RGS7: variants seen among roughly 807,000 people sequenced by gnomAD.
RGS7 encodes the protein regulator of G-protein signaling 7.
RGS7 carries 27 observed loss-of-function variants against 81.1 expected under a neutral mutation model. The ratio of observed to expected loss-of-function variants is 0.33; its 90% CI spans 0.25 to 0.46. The LOEUF is 0.46. Among genes scored for constraint, RGS7 ranks in the 20% least tolerant of loss-of-function variants. RGS7 has a pLI of 1.00. For missense variants in RGS7, 396 were observed against 607.4 expected (o/e 0.65, Z 3.66); for synonymous variants, 208 against 207.7 (o/e 1.00, Z -0.01).
chr1:241,344,861 C>T (rs553293865), intron 2 of RGS7, among the ~76,000 whole-genome samples: 3 of 152,306 alleles, frequency 2.0e-5, no homozygotes, highest in African/African-American at 7.2e-5. Context: ...GGCTGTTAAA[C>T]CTTGGGCACT....
At chr1:240,995,562 C>G (rs1189213184) in intron 3 of RGS7, among the ~76,000 whole-genome samples, 1 of 152,120 alleles carries the variant, frequency 6.6e-6, no homozygotes, top group African/African-American at 2.4e-5. Context: ...TTGTAATAGT[C>G]TGTGGTTTTT....
At chr1:240,783,481 G>T (rs1433090312) in intron 18 of RGS7, among the ~76,000 whole-genome samples, 1 of 151,482 alleles carries the variant, frequency 6.6e-6, no homozygotes, top group Admixed American at 6.6e-5. Flanking sequence ...AAAAAAGCAG[G>T]GCATGGTGGT....
chr1:240,796,501 C>T (rs958055189), intron 18 of RGS7, among the ~76,000 whole-genome samples: 3 of 152,130 alleles, frequency 2.0e-5, no homozygotes, highest in African/African-American at 4.8e-5. Flanking sequence ...GCCTGCCCAA[C>T]ATGGTGAAAC....
chr1:241,133,134 A>T (rs1042798764), intron 2 of RGS7, among the ~76,000 whole-genome samples: 4 of 152,210 alleles, frequency 2.6e-5, no homozygotes, highest in Admixed American at 1.3e-4. Flanking sequence ...ATTGTATTGT[A>T]GTACATTGTA....
At chr1:241,125,828 A>G (rs2066618712) in intron 2 of RGS7, among the ~76,000 whole-genome samples, 2 of 152,218 alleles carry the variant, frequency 1.3e-5, no homozygotes, top group Middle Eastern at 6.8e-3. Context: ...CCTTTTTTCT[A>G]CCTCGATCTT....
chr1:240,971,805 T>C (rs920481230), intron 4 of RGS7, among the ~76,000 whole-genome samples: 2 of 152,182 alleles, frequency 1.3e-5, no homozygotes, highest in Non-Finnish European at 2.9e-5. Flanking sequence ...GGAACGATAA[T>C]AAAGCGGTCA....
chr1:241,069,431 T>G (rs1378634268), intron 3 of RGS7, among the ~76,000 whole-genome samples: 1 of 152,152 alleles, frequency 6.6e-6, no homozygotes. Flanking sequence ...GGGGGAAAAT[T>G]TGCTAACATA....
rs1691515174 is a variant in RGS7 at position 240,820,160 on chromosome 1, A to C, written c.685-3745T>G. 3.9e-5 allele frequency among the ~76,000 whole-genome samples: 6 copies of C among 152,334 alleles called. No individual in the cohort carries two copies. The South Asian group carries it at 1.2e-3, about 32-fold the overall frequency. ...AGGGTGGGGTGGCATAGAACTAGAA[A>C]CAGGTAAGGTTAGAGAGGAAGAGAA... On this transcript the variant is annotated intron_variant, in intron 10 of 18. Transcript: ENST00000440928.
At chr1:241,310,342 G>T (rs1020374063) in intron 2 of RGS7, among the ~76,000 whole-genome samples, 1 of 151,902 alleles carries the variant, frequency 6.6e-6, no homozygotes, top group Non-Finnish European at 1.5e-5. Flanking sequence ...TGTATATGAA[G>T]ACCTAGAGAC....
chr1:241,193,357 C>A (rs1321418561), intron 2 of RGS7, among the ~76,000 whole-genome samples: 2 of 152,192 alleles, frequency 1.3e-5, no homozygotes, highest in African/African-American at 2.4e-5. Flanking sequence ...ACTGTCTTTG[C>A]CACTCTCCTG....
At chr1:241,009,715 C>T (rs1253524259) in intron 3 of RGS7, among the ~76,000 whole-genome samples, 2 of 152,164 alleles carry the variant, frequency 1.3e-5, no homozygotes, top group African/African-American at 4.8e-5. Context: ...ACACTTCTCT[C>T]ACTGTTATAC....
intron 2 of RGS7, among the ~76,000 whole-genome samples, chr1:241,307,329 C>T (rs2080238220): frequency 6.6e-6 from 1 of 152,182 alleles, no homozygotes; most frequent in African/African-American, 2.4e-5. Flanking sequence ...GAAGAAGAAT[C>T]TAACAGGAGT....
chr1:240,843,129 C>T (rs145423750), intron 9 of RGS7, among the ~76,000 whole-genome samples: 1,676 of 151,220 alleles, frequency 0.011, 18 homozygotes, highest in Non-Finnish European at 0.017. Context: ...CATGCCGCTG[C>T]ACTCCAGCCT....
At chr1:240,857,840 TG>T (rs1320698375) in intron 9 of RGS7, among the ~76,000 whole-genome samples, 1 of 152,114 alleles carries the variant, frequency 6.6e-6, no homozygotes, top group Non-Finnish European at 1.5e-5. Flanking sequence ...AATTGAATCA[TG>T]GGGGTGGTTA....
chr1:241,272,210 G>A (rs10802942), intron 2 of RGS7, among the ~76,000 whole-genome samples: 48,699 of 151,626 alleles, frequency 0.32, 9,020 homozygotes, highest in East Asian at 0.55. Flanking sequence ...AGCCAGGGTG[G>A]TCTTGATCTC....
At chr1:241,338,953 C>T (rs571753362) in intron 2 of RGS7, among the ~76,000 whole-genome samples, 98 of 152,008 alleles carry the variant, frequency 6.4e-4, no homozygotes, top group African/African-American at 2.3e-3. Flanking sequence ...CATAGGTGAA[C>T]GTGTGTCATG....
chr1:241,272,795 C>G (rs2077986900), intron 2 of RGS7, among the ~76,000 whole-genome samples: 1 of 152,114 alleles, frequency 6.6e-6, no homozygotes, highest in African/African-American at 2.4e-5. Context: ...TTCACTTGTT[C>G]AAATTTACTA....
chr1:240,825,029 C>T (rs922768578), intron 10 of RGS7, among the ~76,000 whole-genome samples: 7 of 152,166 alleles, frequency 4.6e-5, no homozygotes, highest in African/African-American at 1.7e-4. Flanking sequence ...GTAACAAATT[C>T]CTACTGTTTA....
At chr1:240,916,210 G>C (rs1224244447) in intron 6 of RGS7, among the ~76,000 whole-genome samples, 2 of 150,082 alleles carry the variant, frequency 1.3e-5, no homozygotes, top group East Asian at 3.9e-4. Flanking sequence ...TCAGGAGGCA[G>C]AGGTTGCAGT....
Sources: allele counts gnomAD v4.1 joint callset (sites outside exome capture counted in the v4.1 genomes callset), GRCh38; gene constraint gnomAD v4.1.1; transcripts MANE v1.5; gene names NCBI Gene and HGNC (gene_info 2026-07-23, HGNC 2026-07-21).